NAA11: variants seen among roughly 807,000 people sequenced by gnomAD.
NAA11 encodes N-alpha-acetyltransferase 11.
A neutral mutation model predicts 16.1 loss-of-function variants in NAA11; 15 were observed. The ratio of observed to expected loss-of-function variants is 0.93; its 90% CI spans 0.62 to 1.44. The LOEUF (loss-of-function observed/expected upper bound fraction) is 1.44. NAA11 is among the 40% of genes most tolerant of loss of function. NAA11 has a pLI of 0.00. For synonymous variants in NAA11, 122 were observed against 112.4 expected, an observed-to-expected ratio of 1.09 and a Z score of -0.54; for missense variants, 298 against 291.3, an observed-to-expected ratio of 1.02 and a Z score of -0.17.
chr4:79,268,329 T>C (rs1212916049), intron 2 of NAA11, among the ~76,000 whole-genome samples: 1 of 152,218 alleles, frequency 6.6e-6, no homozygotes. Flanking sequence ...ATTGGAACTC[T>C]GATTCCATTA....
the NAA11 span, among the ~76,000 whole-genome samples, chr4:79,182,875 T>G: frequency 6.6e-6 from 1 of 152,202 alleles, no homozygotes; most frequent in Non-Finnish European, 1.5e-5. Flanking sequence ...TTATTTCATC[T>G]AATCAATCAT....
At chr4:79,254,853 A>C (rs1045879930) in intron 2 of NAA11, among the ~76,000 whole-genome samples, 1 of 152,114 alleles carries the variant, frequency 6.6e-6, no homozygotes, top group Non-Finnish European at 1.5e-5. Context: ...TAGTGTAAGA[A>C]TTGCTTCACA....
At chr4:79,323,005 C>T (rs911603765) in intron 1 of NAA11, among the ~76,000 whole-genome samples, 3 of 152,156 alleles carry the variant, frequency 2.0e-5, no homozygotes, top group African/African-American at 7.2e-5. Context: ...TCCATTTATT[C>T]TTAAATGCTA....
chr4:79,289,253 T>C (rs1723022806), intron 2 of NAA11, among the ~76,000 whole-genome samples: 1 of 152,250 alleles, frequency 6.6e-6, no homozygotes, highest in Admixed American at 6.5e-5. Context: ...CTCTTCTTTC[T>C]AATCTGCCTT....
At chr4:79,298,769 G>A (rs538575432) in intron 1 of NAA11, among the ~76,000 whole-genome samples, 273 of 152,354 alleles carry the variant, frequency 1.8e-3, no homozygotes, top group African/African-American at 3.8e-3. Flanking sequence ...CCAAGTGGGC[G>A]AAATGAGCCC....
the NAA11 span, among the ~76,000 whole-genome samples, chr4:79,175,754 A>T: frequency 2.6e-5 from 4 of 151,792 alleles, no homozygotes; most frequent in Non-Finnish European, 5.9e-5. Flanking sequence ...AAAAAAAAAA[A>T]AAAAAAAAAA....
intron 1 of NAA11, among the ~76,000 whole-genome samples, chr4:79,318,536 A>C (rs1723997451): frequency 6.6e-6 from 1 of 152,230 alleles, no homozygotes; most frequent in Non-Finnish European, 1.5e-5. Context: ...GAGGCTGACT[A>C]TTATGCACAG....
downstream of NAA11, among the ~76,000 whole-genome samples, chr4:79,315,374 A>G (rs1723897022): frequency 6.6e-6 from 1 of 152,086 alleles, no homozygotes; most frequent in Non-Finnish European, 1.5e-5. Context: ...CATTATTTTT[A>G]TTTCAGATGG....
intron 2 of NAA11, among the ~76,000 whole-genome samples, chr4:79,266,929 A>G (rs1722359226): frequency 6.6e-6 from 1 of 152,234 alleles, no homozygotes; most frequent in Non-Finnish European, 1.5e-5. Flanking sequence ...TAAATAACAT[A>G]TTCCACCAAC....
the NAA11 span, among the ~76,000 whole-genome samples, chr4:79,161,238 C>T: frequency 5.9e-5 from 9 of 151,900 alleles, no homozygotes; most frequent in Non-Finnish European, 7.4e-5. Context: ...TGCATTGGCA[C>T]GATCTTGGCT....
chr4:79,243,620 A>T lies in NAA11; in HGVS notation c.*123-17350T>A, dbSNP rs138827766. Among the ~76,000 whole-genome samples, 1,337 of 152,282 alleles carry T rather than the reference A, an allele frequency of 8.8e-3. 25 individuals carry two copies. Among genetic ancestry groups the T allele is most frequent in the African/African-American group, 0.031 (1,268 of 41,558 alleles). ...TACTGATGTGTTAGCAGTTGAAGAGATTCAAGGTACCTCCAGTTACCAGTG... is the reference window on the plus strand; with the variant it reads ...TACTGATGTGTTAGCAGTTGAAGAGTTTCAAGGTACCTCCAGTTACCAGTG... On this transcript the variant is annotated intron_variant and NMD_transcript_variant, in intron 2 of 2. Transcript: ENST00000511542.
chr4:79,319,686 T>C (rs976354225), intron 1 of NAA11, among the ~76,000 whole-genome samples: 8 of 152,228 alleles, frequency 5.3e-5, no homozygotes. Context: ...AAATGGCATC[T>C]ATCTGATTAG....
chr4:79,211,350 AT>A, the NAA11 span, among the ~76,000 whole-genome samples: 2 of 151,848 alleles, frequency 1.3e-5, no homozygotes, highest in African/African-American at 2.4e-5. Flanking sequence ...TGAGTATGTA[AT>A]TTTTTTTCAC....
chr4:79,166,451 G>A, the NAA11 span, among the ~76,000 whole-genome samples: 1 of 151,226 alleles, frequency 6.6e-6, no homozygotes, highest in Admixed American at 6.6e-5. Context: ...CAAAGTCCTA[G>A]ACTGATCCTC....
chr4:79,213,003 T>A, the NAA11 span, among the ~76,000 whole-genome samples: 3 of 152,188 alleles, frequency 2.0e-5, no homozygotes, highest in African/African-American at 7.2e-5. Flanking sequence ...TACCATTTTC[T>A]TTATTCTTTA....
At chr4:79,177,197 GA>G in the NAA11 span, among the ~76,000 whole-genome samples, 4 of 151,452 alleles carry the variant, frequency 2.6e-5, no homozygotes, top group East Asian at 1.9e-4. Context: ...TCTATAAATA[GA>G]AAAAAAATTA....
intron 1 of NAA11, among the ~76,000 whole-genome samples, chr4:79,303,076 T>TTTTA (rs1553896049): frequency 1.0e-4 from 7 of 67,528 alleles, no homozygotes; most frequent in Non-Finnish European, 1.4e-4. Context: ...TTGAGGCCTT[T>TTTTA]TATATATATA....
chr4:79,258,383 C>T (rs1433923038), intron 2 of NAA11, among the ~76,000 whole-genome samples: 5 of 152,268 alleles, frequency 3.3e-5, no homozygotes, highest in Non-Finnish European at 5.9e-5. Flanking sequence ...CTCAGAAATG[C>T]CTGCTCCCGC....
At chr4:79,206,555 T>C in the NAA11 span, among the ~76,000 whole-genome samples, 126,518 of 151,682 alleles carry the variant, frequency 0.83, 53,992 homozygotes, top group Non-Finnish European at 0.92. Context: ...CTAGTCCAAA[T>C]AAGCATTAGG....
Sources: gnomAD v4.1 joint callset for allele counts (sites outside exome capture counted in the v4.1 genomes callset) on GRCh38, gnomAD v4.1.1 for gene constraint, MANE v1.5 for transcripts, NCBI Gene and HGNC (gene_info 2026-07-23, HGNC 2026-07-21) for gene names.